AGBL4: variants seen among roughly 807,000 people sequenced by gnomAD.
The protein encoded by AGBL4 is AGBL carboxypeptidase 4, also known as cytosolic carboxypeptidase 6.
Under a neutral mutation model 66.4 loss-of-function variants are expected in AGBL4, and 58 were observed. That is an observed-to-expected ratio of 0.87 (90% CI 0.71 to 1.09). The LOEUF (loss-of-function observed/expected upper bound fraction) is 1.09, where lower values mean the gene tolerates loss of function less well. Among genes scored for constraint, AGBL4 ranks in the 50% least tolerant of loss-of-function variants. AGBL4 has a pLI of 0.00. For synonymous variants in AGBL4, 234 were observed against 222.9 expected (o/e 1.05, Z -0.44); for missense variants, 579 against 631.0 (o/e 0.92, Z 0.88).
At chr1:48,996,042 TA>T (rs1660970049) in intron 5 of AGBL4, among the ~76,000 whole-genome samples, 1 of 151,906 alleles carries the variant, frequency 6.6e-6, no homozygotes, top group Admixed American at 6.6e-5. Flanking sequence ...GGACATATAT[TA>T]GAGATAGAGT....
intron 6 of AGBL4, among the ~76,000 whole-genome samples, chr1:48,770,678 C>T (rs1280480915): frequency 2.0e-5 from 3 of 152,134 alleles, no homozygotes; most frequent in South Asian, 4.2e-4. Flanking sequence ...CCTTAAGATT[C>T]GACAGGTCTC....
At chr1:48,862,538 G>T (rs1448466566) in intron 6 of AGBL4, among the ~76,000 whole-genome samples, 2 of 152,008 alleles carry the variant, frequency 1.3e-5, no homozygotes, top group Non-Finnish European at 2.9e-5. Context: ...AGCCAGGATG[G>T]TCTCTATTTC....
rs371422253 is a variant in AGBL4 at position 48,569,855 on chromosome 1, A to AAG, written c.1267+17147_1267+17148dup. On this transcript the variant is annotated intron_variant, in intron 11 of 13. Transcript: ENST00000371839. ...ATGCCACTCTTTTGGGGTTGTAGTA[A>AAG]AGATTCATGCTAATATGTGCCATTT... Among the ~76,000 whole-genome samples, 1,320 of 152,268 alleles carry AAG rather than the reference A, an allele frequency of 8.7e-3. 15 individuals carry two copies. The highest frequency in any genetic ancestry group is 0.03 in the African/African-American group (1,231 of 41,540).
chr1:49,419,770 A>AT (rs1427865041), intron 3 of AGBL4, among the ~76,000 whole-genome samples: 2 of 152,228 alleles, frequency 1.3e-5, no homozygotes. Context: ...TCAGAAAAAT[A>AT]CTATTAGGTA....
intron 3 of AGBL4, among the ~76,000 whole-genome samples, chr1:49,342,908 G>A (rs1361503756): frequency 6.6e-6 from 1 of 152,134 alleles, no homozygotes; most frequent in East Asian, 1.9e-4. Flanking sequence ...AAGGCTTATT[G>A]GTTTCACCTG....
chr1:48,779,310 A>G (rs918731198), intron 6 of AGBL4, among the ~76,000 whole-genome samples: 1 of 152,194 alleles, frequency 6.6e-6, no homozygotes, highest in Non-Finnish European at 1.5e-5. Flanking sequence ...CCAGACACCT[A>G]AACTATTTGA....
intron 6 of AGBL4, among the ~76,000 whole-genome samples, chr1:48,714,048 T>C (rs1042781342): frequency 3.3e-5 from 5 of 152,188 alleles, no homozygotes; most frequent in African/African-American, 1.2e-4. Context: ...CTCATTACTA[T>C]AACATGATCT....
chr1:49,975,428 T>C (rs1356419319), intron 1 of AGBL4, among the ~76,000 whole-genome samples: 1 of 152,214 alleles, frequency 6.6e-6, no homozygotes, highest in African/African-American at 2.4e-5. Context: ...CCCCAAAGGC[T>C]TGAGTACATC....
intron 6 of AGBL4, among the ~76,000 whole-genome samples, chr1:48,807,438 T>C (rs1645950631): frequency 6.6e-6 from 1 of 152,224 alleles, no homozygotes; most frequent in Non-Finnish European, 1.5e-5. Flanking sequence ...AGGGAGATTG[T>C]GGCTCAGGGA....
chr1:49,355,086 A>T (rs1570507215), intron 3 of AGBL4, among the ~76,000 whole-genome samples: 1 of 152,312 alleles, frequency 6.6e-6, no homozygotes, highest in East Asian at 1.9e-4. Flanking sequence ...ACACGGGGAG[A>T]AAATGCAAAC....
At chr1:49,522,448 C>T (rs548825430) in intron 3 of AGBL4, among the ~76,000 whole-genome samples, 71 of 152,112 alleles carry the variant, frequency 4.7e-4, no homozygotes, top group Non-Finnish European at 8.4e-4. Context: ...ATTTTTCCTA[C>T]ACCTGTTTAT....
At chr1:49,422,021 G>A (rs1311694817) in intron 3 of AGBL4, among the ~76,000 whole-genome samples, 1 of 152,082 alleles carries the variant, frequency 6.6e-6, no homozygotes, top group Admixed American at 6.5e-5. Context: ...CCCTCTCTGA[G>A]CCAAAAACTT....
At chr1:49,873,342 G>A (rs1646885409) in intron 1 of AGBL4, among the ~76,000 whole-genome samples, 2 of 152,014 alleles carry the variant, frequency 1.3e-5, no homozygotes, top group South Asian at 4.2e-4. Flanking sequence ...TCTGATACCA[G>A]AGACTCATTT....
At chr1:49,841,971 G>T in intron 2 of AGBL4, 1 of 509,846 alleles carries the variant, frequency 2.0e-6, no homozygotes, top group Non-Finnish European at 3.6e-6. Context: ...ACCTGGCCTC[G>T]TCCTTGCACA....
chr1:49,783,578 T>C (rs1644384878), intron 2 of AGBL4, among the ~76,000 whole-genome samples: 1 of 152,130 alleles, frequency 6.6e-6, no homozygotes, highest in Admixed American at 6.5e-5. Flanking sequence ...TACTTTTCCC[T>C]TAATATCACA....
intron 3 of AGBL4, among the ~76,000 whole-genome samples, chr1:49,294,789 G>T (rs1204917499): frequency 6.6e-6 from 1 of 152,062 alleles, no homozygotes. Flanking sequence ...CATTTCCTCC[G>T]AGGAGCTTTA....
chr1:49,961,311 C>A (rs1364752917), intron 1 of AGBL4, among the ~76,000 whole-genome samples: 3 of 151,994 alleles, frequency 2.0e-5, no homozygotes, highest in African/African-American at 7.2e-5. Context: ...GAGTTTGTGA[C>A]CAGCCTGGGC....
intron 2 of AGBL4, among the ~76,000 whole-genome samples, chr1:49,808,823 G>C (rs1001080656): frequency 5.9e-5 from 9 of 152,086 alleles, no homozygotes; most frequent in Admixed American, 1.3e-4. Flanking sequence ...GTCTATAGAA[G>C]ATTGCTAGGA....
chr1:49,215,308 G>C (rs1570097149), intron 4 of AGBL4, among the ~76,000 whole-genome samples: 1 of 152,072 alleles, frequency 6.6e-6, no homozygotes, highest in Admixed American at 6.6e-5. Context: ...AGTATCTAGG[G>C]CTGGGCTGAA....
Sources: gnomAD v4.1 joint callset for allele counts (sites outside exome capture counted in the v4.1 genomes callset) on GRCh38, gnomAD v4.1.1 for gene constraint, MANE v1.5 for transcripts, NCBI Gene and HGNC (gene_info 2026-07-23, HGNC 2026-07-21) for gene names.